The following PAXIP1 variants were observed in gnomAD, a reference collection of about 807,000 sequenced individuals.
PAXIP1 encodes PAX interacting protein 1.
In PAXIP1, 19 loss-of-function variants were observed where a neutral mutation model predicts 140.6. That is an observed-to-expected ratio of 0.14 (90% CI 0.09 to 0.20). The LOEUF (loss-of-function observed/expected upper bound fraction) is 0.20, where lower values mean the gene tolerates loss of function less well. Ranked by LOEUF, PAXIP1 falls within the 10% of genes least tolerant of loss-of-function variation. The pLI, the probability that PAXIP1 is intolerant of heterozygous loss-of-function variation, is 1.00. For missense variants in PAXIP1, 920 were observed against 1,208.6 expected, an observed-to-expected ratio of 0.76 and a Z score of 3.54; for synonymous variants, 442 against 444.6, an observed-to-expected ratio of 0.99 and a Z score of 0.07.
Position 154,968,457 on chromosome 7 carries a change from G to A in PAXIP1, c.1744C>T (p.Pro582Ser). 1 of 1,412,248 alleles carries A rather than the reference G, an allele frequency of 7.1e-7. No homozygotes were observed. The highest frequency in any genetic ancestry group is 9.8e-7 in the Non-Finnish European group (1 of 1,019,744). 87.5% of individuals were successfully genotyped at this position (1,412,248 alleles called of 1,614,324 possible). A position where few individuals can be genotyped will look rare whatever the true frequency, so the allele number is the denominator to read the frequency against. ...QPPQQQQQQQPPPSPQQHQLF... is the reference protein window; with the variant it reads ...QPPQQQQQQQSPPSPQQHQLF... ...TGATGCTGCTGAGGCGATGGTGGTGGCTGCTGTTGCTGCTGCTGCTGCGGG... is the reference window on the plus strand; with the variant it reads ...TGATGCTGCTGAGGCGATGGTGGTGACTGCTGTTGCTGCTGCTGCTGCGGG... Residue 582 changes from proline to serine, a missense_variant, in exon 7 of 21, where the codon CCA becomes TCA. Pro to Ser is a moderately conservative substitution (Grantham distance 74). Around this residue, in one of 5 missense-constraint regions of PAXIP1, gnomAD observed 3 missense variants for 18.6 expected, o/e 0.16. Coordinates refer to ENST00000404141, the MANE Select transcript of PAXIP1 (RefSeq NM_007349.4).
chr7:154,966,112 A>G (rs12535873), intron 8 of PAXIP1, among the ~76,000 whole-genome samples: 2 of 152,086 alleles, frequency 1.3e-5, no homozygotes, highest in Non-Finnish European at 2.9e-5. Flanking sequence ...GAAAGAATAT[A>G]AGGGAGGTAC....
intron 5 of PAXIP1, among the ~76,000 whole-genome samples, chr7:154,977,244 T>A (rs1259039720): frequency 6.6e-6 from 1 of 152,164 alleles, no homozygotes; most frequent in African/African-American, 2.4e-5. Context: ...AAATGTTAAA[T>A]AAGAGTAATA....
Position 154,982,352 on chromosome 7 carries a change from ATTTC to A in PAXIP1, c.438+863_438+866del, listed in dbSNP as rs1319944294. Among the ~76,000 whole-genome samples, 5 of 152,112 alleles carry A rather than the reference ATTTC, an allele frequency of 3.3e-5. No homozygotes were observed. The East Asian group carries it at 9.7e-4, about 29-fold the overall frequency. On this transcript the variant is annotated intron_variant, in intron 5 of 20. Coordinates refer to ENST00000404141, the MANE Select transcript of PAXIP1 (RefSeq NM_007349.4). ...TCTGGGAAGAGGCTGGACAGACTGC[ATTTC>A]TTTTTGTTTTTTTGAGACAGAGTCT...
Position 155,003,018 on chromosome 7 carries a change from G to A in PAXIP1, c.-89C>T. ...CCCGCGGCGCCCGGCGCCCCCACTCGCCCCGCCAACGGCCCTGCCCGCGCA... is the reference window on the plus strand; with the variant it reads ...CCCGCGGCGCCCGGCGCCCCCACTCACCCCGCCAACGGCCCTGCCCGCGCA... On this transcript the variant is annotated 5_prime_UTR_variant, in exon 1 of 21. Transcript: ENST00000404141. The A allele has an allele frequency of 5.7e-6, 2 of 351,826 alleles. No individual in the cohort carries two copies. The highest frequency in any genetic ancestry group is 6.6e-6 in the Non-Finnish European group (2 of 303,836). The allele number at this position is 351,826 out of a possible 1,614,324, so 21.8% of individuals were successfully genotyped here.
rs139915570 is a variant in PAXIP1 at position 154,977,034 on chromosome 7, C to T, written c.439-703G>A. Among the ~76,000 whole-genome samples the T allele has an allele frequency of 5.3e-3, 812 of 152,238 alleles. 5 individuals carry two copies. The highest frequency in any genetic ancestry group is 0.018 in the African/African-American group (767 of 41,538). ...AAGCTGGAGGGCAGGAGGAAAGCCC[C>T]GTTGAAAGGTGAGCTTTGGCTGGGG... On this transcript the variant is annotated intron_variant, in intron 5 of 20. Coordinates refer to ENST00000404141, the MANE Select transcript of PAXIP1 (RefSeq NM_007349.4).
intron 1 of PAXIP1, chr7:155,000,741 T>G (rs939124582): frequency 1.3e-5 from 2 of 152,254 alleles, no homozygotes; most frequent in Non-Finnish European, 2.9e-5. Context: ...CTTAATAGAT[T>G]TATCTCATAT....
chr7:154,974,321 TAC>T (rs968697356), intron 6 of PAXIP1: 1 of 152,280 alleles, frequency 6.6e-6, no homozygotes, highest in Non-Finnish European at 1.5e-5. Context: ...ATCCACTGTT[TAC>T]ACAGAGTGCA....
intron 5 of PAXIP1, among the ~76,000 whole-genome samples, chr7:154,981,318 T>C (rs1809832942): frequency 6.6e-6 from 1 of 152,156 alleles, no homozygotes; most frequent in South Asian, 2.1e-4. Flanking sequence ...TACTGGCAGA[T>C]ACAAAATCTG....
At chr7:154,999,016 C>T (rs1366805134) in intron 1 of PAXIP1, among the ~76,000 whole-genome samples, 2 of 152,170 alleles carry the variant, frequency 1.3e-5, no homozygotes, top group African/African-American at 2.4e-5. Flanking sequence ...GTAATGGAGG[C>T]TATTGTGAGT....
intron 16 of PAXIP1, chr7:154,949,017 G>C (rs1220642477): frequency 6.6e-6 from 1 of 152,110 alleles, no homozygotes; most frequent in South Asian, 2.1e-4. Flanking sequence ...AAAAGGTAAA[G>C]ATCACAAAAT....
At position 154,973,894 on chromosome 7, in the gene PAXIP1, G is replaced by T. The variant is rs540919812; in HGVS notation, c.1074+1802C>A. Among the ~76,000 whole-genome samples the T allele has an allele frequency of 5.9e-5, 9 of 152,284 alleles. No homozygotes were observed. The highest frequency in any genetic ancestry group is 2.2e-4 in the African/African-American group (9 of 41,554). On this transcript the variant is annotated intron_variant, in intron 6 of 20. Coordinates refer to ENST00000404141, the MANE Select transcript of PAXIP1 (RefSeq NM_007349.4). This position sits in a 1 kb window ranked among gnomAD's most constrained non-coding sequence, Gnocchi z 4.0. ...TTTGAGCTGTCATTATGAAATGAAA[G>T]TGTCCAGAACAAGGTGAAGCGGCAG...
In PAXIP1 at chr7:154,973,915, G is replaced by A. The variant is rs1224209172; in HGVS notation, c.1074+1781C>T. 6.6e-6 allele frequency among the ~76,000 whole-genome samples: 1 copy of A among 152,134 alleles called. No homozygotes were observed. The highest frequency in any genetic ancestry group is 1.5e-5 in the Non-Finnish European group (1 of 68,032). On this transcript the variant is annotated intron_variant, in intron 6 of 20. Transcript: ENST00000404141. This position sits in a 1 kb window ranked among gnomAD's most constrained non-coding sequence, Gnocchi z 4.0. ...GAAAGTGTCCAGAACAAGGTGAAGCGGCAGACGGGGTGTCACCATCAGATG... is the reference window on the plus strand; with the variant it reads ...GAAAGTGTCCAGAACAAGGTGAAGCAGCAGACGGGGTGTCACCATCAGATG...
Position 154,960,991 on chromosome 7 carries a change from T to C in PAXIP1, c.2336A>G (p.Asn779Ser). 3.1e-6 allele frequency: 5 copies of C among 1,602,776 alleles called. No homozygotes were observed. The highest frequency in any genetic ancestry group is 1.3e-5 in the African/African-American group (1 of 74,916). Residue 779 changes from asparagine (N) to serine (S), a missense_variant, in exon 12 of 21, where the codon AAC becomes AGC. Asn to Ser is a conservative substitution (Grantham distance 46). Coordinates refer to ENST00000404141, the MANE Select transcript of PAXIP1 (RefSeq NM_007349.4). ...CTGAATCTGCCTCAGTGCCTCAAAG[T>C]TTCCCAGAAGAATGTCGCCAAGCCA... is the stretch of plus-strand genomic sequence containing the variant. ...AQWLGDILLG[N>S]FEALRQIQYS...
chr7:154,975,870 T>C lies in PAXIP1; in HGVS notation c.900A>G (p.Pro300=). The C allele has an allele frequency of 6.2e-7, 1 of 1,614,004 alleles. No homozygotes were observed. The highest frequency in any genetic ancestry group is 8.5e-7 in the Non-Finnish European group (1 of 1,179,884). Residue 300 remains proline (P), a synonymous_variant, in exon 6 of 21, where the codon CCA becomes CCG. Transcript: ENST00000404141. ...GGACCTCAGGGGGCAAAATGTTACC[T>C]GGGACGGGTGGGACATTGGCACACA... ...INLCANVPPV[P]GNILPPEVRG...
chr7:154,972,502 A>G (rs73493715), intron 6 of PAXIP1, among the ~76,000 whole-genome samples: 8,103 of 152,220 alleles, frequency 0.053, 525 homozygotes, highest in East Asian at 0.21. Flanking sequence ...AAACAACCAA[A>G]ACATATATAT....
In PAXIP1 at chr7:154,944,207, G is replaced by GA. The variant is rs755321984; in HGVS notation, c.3195-44dup. The stretch of plus-strand genomic sequence containing the variant: ...AACGACTTTCAAACACAAGGCAAAA[G>GA]AAAAACATGAAACCAAGGGTTCCAA... On this transcript the variant is annotated intron_variant, in intron 20 of 20. Coordinates refer to ENST00000404141, the MANE Select transcript of PAXIP1 (RefSeq NM_007349.4). 7.7e-6 allele frequency: 12 copies of GA among 1,565,820 alleles called. No individual in the cohort carries two copies. In the Middle Eastern group the frequency reaches 6.8e-4, roughly 89 times the overall value.
chr7:154,973,650 C>A lies in PAXIP1; in HGVS notation c.1074+2046G>T, dbSNP rs1273456151. On this transcript the variant is annotated intron_variant, in intron 6 of 20. Coordinates refer to ENST00000404141, the MANE Select transcript of PAXIP1 (RefSeq NM_007349.4). The surrounding 1 kb of genome is among the most constrained non-coding windows in gnomAD (Gnocchi z 4.0). ...CTGCTTAGGTGGAGGGGAGGGGAGACAAAGATTTTGTCTGTCCCACAGCAT... is the reference window on the plus strand; with the variant it reads ...CTGCTTAGGTGGAGGGGAGGGGAGAAAAAGATTTTGTCTGTCCCACAGCAT... Among the ~76,000 whole-genome samples the A allele has an allele frequency of 6.6e-6, 1 of 152,178 alleles. No homozygotes were observed.
chr7:154,957,674 T>C (rs887511351), intron 13 of PAXIP1, among the ~76,000 whole-genome samples: 9 of 152,216 alleles, frequency 5.9e-5, no homozygotes, highest in African/African-American at 9.6e-5. Flanking sequence ...CAATTTAGAA[T>C]GTGGAAAACA....
intron 2 of PAXIP1, among the ~76,000 whole-genome samples, chr7:154,998,123 T>C (rs1810724448): frequency 6.6e-6 from 1 of 152,192 alleles, no homozygotes; most frequent in Non-Finnish European, 1.5e-5. Context: ...GAAGCCATGC[T>C]CTACCTTGGT....
Sources: gnomAD v4.1 joint callset for allele counts (sites outside exome capture counted in the v4.1 genomes callset) on GRCh38, gnomAD v4.1.1 for gene constraint, gnomAD v4.1.1 regional missense constraint, Gnocchi (gnomAD v3.1) non-coding constraint, MANE v1.5 for transcripts, NCBI Gene and HGNC (gene_info 2026-07-23, HGNC 2026-07-21) for gene names.